CERS3: variants seen among roughly 807,000 people sequenced by gnomAD.
CERS3 encodes the protein ceramide synthase 3.
A neutral mutation model predicts 50.3 loss-of-function variants in CERS3; 33 were observed. The observed-to-expected ratio is 0.66, with a 90% CI of 0.50 to 0.88. The LOEUF (loss-of-function observed/expected upper bound fraction) is 0.88, where lower values mean the gene tolerates loss of function less well. CERS3 is among the 40% of genes least tolerant of loss of function. The pLI, the probability that CERS3 is intolerant of heterozygous loss-of-function variation, is 0.00. For missense variants in CERS3, 470 were observed against 460.3 expected (o/e 1.02, Z -0.19); for synonymous variants, 176 against 155.2 (o/e 1.13, Z -0.99).
At chr15:100,444,483 A>C (rs1055154063) in intron 11 of CERS3, among the ~76,000 whole-genome samples, 2 of 152,164 alleles carry the variant, frequency 1.3e-5, no homozygotes, top group Non-Finnish European at 1.5e-5. Flanking sequence ...CACTTGGTTT[A>C]TGGATGGCAG....
rs116117742 is a variant in CERS3 at position 100,483,277 on chromosome 15, C to T, written c.407+1273G>A. ...ACTCCCATGTGCCACTGGGGTGGCG[C>T]GACAATAGATGTTGTGGTTTCGTGT... On this transcript the variant is annotated intron_variant, in intron 5 of 11. Coordinates refer to ENST00000679737, the MANE Select transcript of CERS3 (RefSeq NM_001378789.1). 3.5e-3 allele frequency among the ~76,000 whole-genome samples: 534 copies of T among 152,230 alleles called. 5 individuals are homozygous for T. Among genetic ancestry groups the T allele is most frequent in the African/African-American group, 0.012 (514 of 41,552 alleles).
chr15:100,536,189 A>G (rs113696278), intron 1 of CERS3, among the ~76,000 whole-genome samples: 3,662 of 150,136 alleles, frequency 0.024, 210 homozygotes, highest in East Asian at 0.066. Context: ...TCCTATGCTC[A>G]TATGTTAAGC....
intron 11 of CERS3, among the ~76,000 whole-genome samples, chr15:100,408,040 G>T (rs1463869391): frequency 6.6e-6 from 1 of 151,882 alleles, no homozygotes; most frequent in Non-Finnish European, 1.5e-5. Context: ...CCTGGCTAAT[G>T]TTTATATTTT....
chr15:100,418,968 TG>T (rs199800324), intron 11 of CERS3, among the ~76,000 whole-genome samples: 54,367 of 151,122 alleles, frequency 0.36, 10,317 homozygotes, highest in South Asian at 0.48. Context: ...TACCAGCCAC[TG>T]CAAAATCGTG....
chr15:100,529,880 G>C (rs1344571033), upstream of CERS3, among the ~76,000 whole-genome samples: 3 of 152,134 alleles, frequency 2.0e-5, no homozygotes. Flanking sequence ...TCAGCTAATA[G>C]ATGACCGCAA....
chr15:100,441,370 C>A (rs1046407228), intron 11 of CERS3, among the ~76,000 whole-genome samples: 33 of 152,002 alleles, frequency 2.2e-4, no homozygotes, highest in African/African-American at 8.0e-4. Context: ...ATCTCTGCAC[C>A]CCAATCCCTT....
intron 10 of CERS3, among the ~76,000 whole-genome samples, chr15:100,459,276 A>G (rs970025641): frequency 2.6e-5 from 4 of 152,152 alleles, no homozygotes; most frequent in African/African-American, 7.2e-5. Flanking sequence ...TATTAGAAAG[A>G]ATACTGTGAG....
chr15:100,454,692 C>A (rs544779453), intron 11 of CERS3, among the ~76,000 whole-genome samples: 1 of 152,120 alleles, frequency 6.6e-6, no homozygotes, highest in South Asian at 2.1e-4. Context: ...AAAAGCCAGG[C>A]AACAAAAACC....
intron 11 of CERS3, among the ~76,000 whole-genome samples, chr15:100,426,706 G>A (rs115595607): frequency 0.028 from 4,276 of 152,214 alleles, 86 homozygotes; most frequent in South Asian, 0.048. Flanking sequence ...TATATCCCCC[G>A]TGTGGGCCTC....
At chr15:100,473,541 A>T (rs1403115313) in intron 8 of CERS3, among the ~76,000 whole-genome samples, 1 of 152,252 alleles carries the variant, frequency 6.6e-6, no homozygotes, top group Non-Finnish European at 1.5e-5. Flanking sequence ...CAATTCACAC[A>T]TGAAAGCATG....
chr15:100,430,051 A>G (rs537482191), intron 11 of CERS3, among the ~76,000 whole-genome samples: 8 of 152,084 alleles, frequency 5.3e-5, no homozygotes, highest in East Asian at 3.9e-4. Flanking sequence ...GGTGGCTCAC[A>G]CCTGTAATCC....
In CERS3 at chr15:100,471,338, T is replaced by A. The variant is rs538767832; in HGVS notation, c.738+1586A>T. On this transcript the variant is annotated intron_variant, in intron 9 of 11. Coordinates refer to ENST00000679737, the MANE Select transcript of CERS3 (RefSeq NM_001378789.1). ...CAGATATGAATTCTCATGTTACAGC[T>A]GGGGCTAGAAAACAAAACAATAAGT... 2.0e-5 allele frequency among the ~76,000 whole-genome samples: 3 copies of A among 152,280 alleles called. No individual in the cohort carries two copies. The East Asian group carries it at 5.8e-4, about 29-fold the overall frequency.
At chr15:100,535,433 T>C (rs1376821493) in intron 1 of CERS3, among the ~76,000 whole-genome samples, 1 of 152,244 alleles carries the variant, frequency 6.6e-6, no homozygotes, top group Non-Finnish European at 1.5e-5. Context: ...AATAAAAATA[T>C]AGCATGACTG....
At chr15:100,538,664 T>C (rs898589426) in intron 1 of CERS3, among the ~76,000 whole-genome samples, 2 of 152,160 alleles carry the variant, frequency 1.3e-5, no homozygotes, top group Non-Finnish European at 2.9e-5. Flanking sequence ...CACAAAACCA[T>C]TTTTTCCTCC....
At chr15:100,464,877 A>G (rs767482648) in intron 10 of CERS3, among the ~76,000 whole-genome samples, 3 of 152,326 alleles carry the variant, frequency 2.0e-5, no homozygotes, top group Non-Finnish European at 2.9e-5. Flanking sequence ...TAGAAAACCA[A>G]CGTAACTAAC....
chr15:100,461,048 T>C (rs1343072609), intron 10 of CERS3, among the ~76,000 whole-genome samples: 1 of 151,908 alleles, frequency 6.6e-6, no homozygotes, highest in Non-Finnish European at 1.5e-5. Flanking sequence ...GAAGAAGCCA[T>C]CTCAGGTAGG....
At chr15:100,539,668 C>G (rs1032118072) in intron 1 of CERS3, among the ~76,000 whole-genome samples, 4 of 152,048 alleles carry the variant, frequency 2.6e-5, no homozygotes, top group African/African-American at 4.8e-5. Context: ...GTCTTTCCCT[C>G]GACACATGTG....
intron 2 of CERS3, among the ~76,000 whole-genome samples, chr15:100,514,299 G>C (rs935988928): frequency 1.3e-5 from 2 of 152,076 alleles, no homozygotes; most frequent in African/African-American, 4.8e-5. Context: ...AAACTTCCAG[G>C]TCCTAAAATT....
chr15:100,425,100 G>A (rs1596637601), intron 11 of CERS3, among the ~76,000 whole-genome samples: 1 of 152,324 alleles, frequency 6.6e-6, no homozygotes, highest in South Asian at 2.1e-4. Context: ...GTACGGAAAT[G>A]CCTAGACATC....
Sources: gnomAD v4.1 joint callset for allele counts (sites outside exome capture counted in the v4.1 genomes callset) on GRCh38, gnomAD v4.1.1 for gene constraint, MANE v1.5 for transcripts, NCBI Gene and HGNC (gene_info 2026-07-23, HGNC 2026-07-21) for gene names.